GPM6A: variants seen among roughly 807,000 people sequenced by gnomAD.
GPM6A encodes glycoprotein M6A.
A neutral mutation model predicts 32.1 loss-of-function variants in GPM6A; 7 were observed. The ratio of observed to expected loss-of-function variants is 0.22; its 90% CI spans 0.12 to 0.41. GPM6A has a LOEUF of 0.41. Ranked by LOEUF, GPM6A falls within the 10% of genes least tolerant of loss-of-function variation. The pLI is 1.00. For synonymous variants in GPM6A, 130 were observed against 123.4 expected, an observed-to-expected ratio of 1.05 and a Z score of -0.35; for missense variants, 235 against 347.2, an observed-to-expected ratio of 0.68 and a Z score of 2.57.
intron 1 of GPM6A, among the ~76,000 whole-genome samples, chr4:175,979,445 CA>C (rs1740759395): frequency 6.6e-6 from 1 of 152,024 alleles, no homozygotes; most frequent in Non-Finnish European, 1.5e-5. Flanking sequence ...ATGCATATGC[CA>C]AGTGTTCCCA....
intron 1 of GPM6A, among the ~76,000 whole-genome samples, chr4:175,911,257 A>AG (rs1738306477): frequency 6.6e-6 from 1 of 152,110 alleles, no homozygotes; most frequent in African/African-American, 2.4e-5. Context: ...GGGCAGATGA[A>AG]GGGGTGACGA....
chr4:175,957,645 T>C (rs1039613766), intron 1 of GPM6A, among the ~76,000 whole-genome samples: 3 of 152,088 alleles, frequency 2.0e-5, no homozygotes, highest in African/African-American at 7.2e-5. Flanking sequence ...CAAACCACCA[T>C]GGCACGTGTA....
chr4:175,638,337 A>G (rs1429569255), intron 6 of GPM6A, among the ~76,000 whole-genome samples: 2 of 152,012 alleles, frequency 1.3e-5, no homozygotes, highest in African/African-American at 2.4e-5. Context: ...ATCAGAGCTA[A>G]TAAATTGGAA....
At position 175,833,313 on chromosome 4, in the gene GPM6A, T is replaced by C. The variant is rs151320064; in HGVS notation, c.-22-21064A>G. Among the ~76,000 whole-genome samples, 13 of 152,248 alleles carry C rather than the reference T, an allele frequency of 8.5e-5. 1 individual carries two copies. The South Asian group carries it at 2.3e-3, about 27-fold the overall frequency. Reference sequence around the variant, plus strand: ...AGGCAGATTTCCATAGCAAAAATTATAGAATGTGAAACAAGGTGGACCCTT... The same window carrying C: ...AGGCAGATTTCCATAGCAAAAATTACAGAATGTGAAACAAGGTGGACCCTT... On this transcript the variant is annotated intron_variant, in intron 1 of 7. Transcript: ENST00000280187.
chr4:175,951,366 T>C (rs1192057339), intron 1 of GPM6A, among the ~76,000 whole-genome samples: 1 of 152,152 alleles, frequency 6.6e-6, no homozygotes, highest in Non-Finnish European at 1.5e-5. Context: ...ACAGTAAAAA[T>C]AGATATTGAT....
chr4:175,696,555 T>C (rs1277694627), intron 2 of GPM6A, among the ~76,000 whole-genome samples: 1 of 152,186 alleles, frequency 6.6e-6, no homozygotes. Flanking sequence ...TTCAGTATGG[T>C]TTTCTAACAT....
chr4:175,681,972 C>G (rs1364782825), intron 2 of GPM6A, among the ~76,000 whole-genome samples: 1 of 152,086 alleles, frequency 6.6e-6, no homozygotes, highest in African/African-American at 2.4e-5. Context: ...TTGGAGCGCT[C>G]AGAAGAAAAC....
chr4:175,840,167 C>T (rs1283428999), intron 1 of GPM6A, among the ~76,000 whole-genome samples: 1 of 152,056 alleles, frequency 6.6e-6, no homozygotes, highest in South Asian at 2.1e-4. Flanking sequence ...TCATAATTAG[C>T]GTTAAATCTA....
chr4:175,795,800 C>G (rs1734198644), intron 1 of GPM6A: 1 of 152,098 alleles, frequency 6.6e-6, no homozygotes, highest in Non-Finnish European at 1.5e-5. Flanking sequence ...CCGTGGCTTC[C>G]AACTTACATG....
chr4:175,680,861 A>T (rs73020120), intron 2 of GPM6A, among the ~76,000 whole-genome samples: 122 of 152,280 alleles, frequency 8.0e-4, no homozygotes, highest in African/African-American at 2.5e-3. Context: ...TATATACTCC[A>T]TATATTCATA....
At chr4:175,760,576 A>G (rs1276909398) in intron 1 of GPM6A, among the ~76,000 whole-genome samples, 1 of 152,226 alleles carries the variant, frequency 6.6e-6, no homozygotes, top group African/African-American at 2.4e-5. Flanking sequence ...TCAAATGCAG[A>G]TTATAAAGAT....
chr4:175,785,311 C>T (rs1733759155), intron 1 of GPM6A, among the ~76,000 whole-genome samples: 1 of 152,134 alleles, frequency 6.6e-6, no homozygotes. Flanking sequence ...CATTCCAGCC[C>T]AATCAAGCTC....
chr4:175,648,820 G>A (rs1741620352), intron 4 of GPM6A, among the ~76,000 whole-genome samples: 3 of 152,024 alleles, frequency 2.0e-5, no homozygotes, highest in African/African-American at 7.2e-5. Context: ...CTTCCACTTT[G>A]AAGGATCCTT....
intron 2 of GPM6A, among the ~76,000 whole-genome samples, chr4:175,696,333 G>T (rs1744575982): frequency 6.6e-6 from 1 of 152,118 alleles, no homozygotes. Context: ...AGACAATATG[G>T]AACAAGCTCA....
rs938551001 is a variant in GPM6A, at chr4:175,797,528, A to G, written c.37+14663T>C. 3.9e-5 allele frequency among the ~76,000 whole-genome samples: 6 copies of G among 152,146 alleles called. No individual in the cohort carries two copies. In the East Asian group the frequency reaches 9.6e-4, roughly 24 times the overall value. ...ATTGTTACATGCATTAGCATTTTCA[A>G]TAACCGTAGGCCATCTCAATCAATT... is the stretch of plus-strand genomic sequence containing the variant. On this transcript the variant is annotated intron_variant, in intron 1 of 6. Transcript: ENST00000393658.
intron 1 of GPM6A, among the ~76,000 whole-genome samples, chr4:175,723,897 A>G (rs1746270159): frequency 1.3e-5 from 2 of 152,146 alleles, no homozygotes; most frequent in Admixed American, 1.3e-4. Context: ...TCATTTGTTA[A>G]TGTTATTTGT....
intron 3 of GPM6A, among the ~76,000 whole-genome samples, chr4:175,663,271 C>A (rs1359528875): frequency 6.6e-6 from 1 of 152,064 alleles, no homozygotes; most frequent in East Asian, 1.9e-4. Flanking sequence ...TGCTAACTGC[C>A]GAAACTTGGA....
chr4:175,725,379 C>T (rs1054785036), intron 1 of GPM6A, among the ~76,000 whole-genome samples: 3 of 151,770 alleles, frequency 2.0e-5, no homozygotes, highest in Admixed American at 6.6e-5. Flanking sequence ...GCAGCCTCCA[C>T]CTCTTGGGCT....
At chr4:175,736,838 T>C (rs1341912581) in intron 1 of GPM6A, among the ~76,000 whole-genome samples, 3 of 152,216 alleles carry the variant, frequency 2.0e-5, no homozygotes. Context: ...GGTAAGATTA[T>C]AATGTAGCTG....
Sources: gnomAD v4.1 joint callset for allele counts (sites outside exome capture counted in the v4.1 genomes callset) on GRCh38, gnomAD v4.1.1 for gene constraint, MANE v1.5 for transcripts, NCBI Gene and HGNC (gene_info 2026-07-23, HGNC 2026-07-21) for gene names.